The following GPHN variants were observed in gnomAD, a reference collection of about 807,000 sequenced individuals.
The protein encoded by GPHN is gephyrin.
Under a neutral mutation model 95.5 loss-of-function variants are expected in GPHN, and 17 were observed. That is an observed-to-expected ratio of 0.18 (90% CI 0.12 to 0.27). GPHN has a LOEUF of 0.27. GPHN is among the 10% of genes least tolerant of loss of function. The probability of loss-of-function intolerance (pLI) is 1.00; values close to 1 mark genes in which losing one functional copy is unlikely to be tolerated. For synonymous variants in GPHN, 320 were observed against 322.5 expected, an observed-to-expected ratio of 0.99 and a Z score of 0.08; for missense variants, 660 against 978.1, an observed-to-expected ratio of 0.67 and a Z score of 4.34.
At chr14:66,887,497 C>A (rs1230056496) in intron 5 of GPHN, among the ~76,000 whole-genome samples, 2 of 152,106 alleles carry the variant, frequency 1.3e-5, no homozygotes, top group Non-Finnish European at 2.9e-5. Context: ...ATCGCTTGAA[C>A]CTAGGAGGTG....
At chr14:66,628,637 T>A (rs8017245) in intron 1 of GPHN, among the ~76,000 whole-genome samples, 47,709 of 151,998 alleles carry the variant, frequency 0.31, 11,494 homozygotes, top group African/African-American at 0.65. Context: ...ACTACACTAA[T>A]TATATTAAAA....
At chr14:66,681,284 A>C in intron 2 of GPHN, 99 bp downstream of exon 2, 3 of 785,110 alleles carry the variant, frequency 3.8e-6, no homozygotes, top group Non-Finnish European at 6.4e-6. Flanking sequence ...TTAAGGTACA[A>C]CAATTTTTTC....
the GPHN span, among the ~76,000 whole-genome samples, chr14:67,541,408 A>C: frequency 6.6e-6 from 1 of 152,224 alleles, no homozygotes. Flanking sequence ...TTTTCCTAAG[A>C]GTTCCTTGAA....
the GPHN span, among the ~76,000 whole-genome samples, chr14:67,731,207 CTTTTTTTTTT>C: frequency 2.2e-4 from 20 of 90,624 alleles, no homozygotes; most frequent in Admixed American, 1.8e-3. Context: ...TTCTTTCTTT[CTTTTTTTTTT>C]TTTTTTTTTT....
rs146242079 is a variant in GPHN, at chr14:67,035,470, A to G, written c.1006+11795A>G. Among the ~76,000 whole-genome samples, 325 of 152,014 alleles carry G rather than the reference A, an allele frequency of 2.1e-3. 1 individual carries two copies. Among genetic ancestry groups the G allele is most frequent in the African/African-American group, 7.3e-3 (305 of 41,556 alleles). On this transcript the variant is annotated intron_variant, in intron 10 of 22. Transcript: ENST00000478722. The stretch of plus-strand genomic sequence containing the variant: ...AACTAAGAGTAGGATTCTCTAAAAT[A>G]CCAACAAAATTGACAAACTCTTAGC...
At chr14:67,641,146 G>A in the GPHN span, among the ~76,000 whole-genome samples, 1 of 152,090 alleles carries the variant, frequency 6.6e-6, no homozygotes, top group Non-Finnish European at 1.5e-5. Context: ...TTTTCTGATG[G>A]TTTAATGCAC....
chr14:66,553,670 G>A (rs1263186863), intron 1 of GPHN, among the ~76,000 whole-genome samples: 2 of 151,912 alleles, frequency 1.3e-5, no homozygotes, highest in Non-Finnish European at 1.5e-5. Flanking sequence ...TCTGCCTCCC[G>A]GGTTCAAGCA....
the GPHN span, among the ~76,000 whole-genome samples, chr14:67,672,875 C>A: frequency 6.6e-6 from 1 of 152,224 alleles, no homozygotes; most frequent in Non-Finnish European, 1.5e-5. Context: ...CATGATCTGG[C>A]CCTGCTTATC....
At chr14:66,945,106 G>A (rs2067668726) in intron 8 of GPHN, among the ~76,000 whole-genome samples, 1 of 152,116 alleles carries the variant, frequency 6.6e-6, no homozygotes, top group Non-Finnish European at 1.5e-5. Flanking sequence ...AAAAAAACAC[G>A]TTCTTGTTAC....
chr14:67,145,964 G>A (rs2080872874), intron 18 of GPHN, among the ~76,000 whole-genome samples: 1 of 152,178 alleles, frequency 6.6e-6, no homozygotes, highest in Non-Finnish European at 1.5e-5. Flanking sequence ...GGAACCTGAA[G>A]GTACTTAAGC....
chr14:67,583,249 C>A, the GPHN span, among the ~76,000 whole-genome samples: 1 of 152,138 alleles, frequency 6.6e-6, no homozygotes, highest in Non-Finnish European at 1.5e-5. Flanking sequence ...TATGCATCCT[C>A]CATTGTAGTT....
intron 1 of GPHN, among the ~76,000 whole-genome samples, chr14:66,662,760 G>T (rs887544703): frequency 2.0e-5 from 3 of 152,218 alleles, no homozygotes; most frequent in African/African-American, 7.2e-5. Context: ...AGGTAAAATA[G>T]CCAGTATGGA....
At chr14:66,740,531 G>A (rs1224394636) in intron 2 of GPHN, among the ~76,000 whole-genome samples, 4 of 149,510 alleles carry the variant, frequency 2.7e-5, no homozygotes, top group Admixed American at 6.6e-5. Flanking sequence ...GTTTTAAACT[G>A]AACATTTAGT....
chr14:67,013,922 G>A (rs1810109435), intron 9 of GPHN, among the ~76,000 whole-genome samples: 1 of 151,846 alleles, frequency 6.6e-6, no homozygotes, highest in African/African-American at 2.4e-5. Flanking sequence ...GTCACAAAAT[G>A]CATAATAATT....
At chr14:67,588,164 C>T in the GPHN span, 1 of 152,640 alleles carries the variant, frequency 6.6e-6, no homozygotes, top group East Asian at 1.9e-4. Context: ...AAACCCAGTA[C>T]CACGCAATGT....
the GPHN span, among the ~76,000 whole-genome samples, chr14:67,220,464 T>C: frequency 1.3e-5 from 2 of 151,020 alleles, no homozygotes; most frequent in African/African-American, 4.9e-5. Context: ...AAAAGGTAAA[T>C]GATGACCTTG....
chr14:66,517,485 G>A (rs967574804), intron 1 of GPHN, among the ~76,000 whole-genome samples: 1 of 152,080 alleles, frequency 6.6e-6, no homozygotes, highest in Non-Finnish European at 1.5e-5. Flanking sequence ...AATAGCCAAA[G>A]CAATCCTGAA....
At chr14:66,533,846 T>C (rs2059032807) in intron 1 of GPHN, among the ~76,000 whole-genome samples, 1 of 152,246 alleles carries the variant, frequency 6.6e-6, no homozygotes, top group Non-Finnish European at 1.5e-5. Flanking sequence ...AATTTGAGAC[T>C]TCAGTTTTTA....
chr14:66,914,018 A>G (rs915564853), intron 5 of GPHN, among the ~76,000 whole-genome samples: 4 of 152,162 alleles, frequency 2.6e-5, no homozygotes, highest in Non-Finnish European at 5.9e-5. Context: ...GAGAAAGAAT[A>G]CATAAATCTC....
Sources: allele counts gnomAD v4.1 joint callset (sites outside exome capture counted in the v4.1 genomes callset), GRCh38; gene constraint gnomAD v4.1.1; transcripts MANE v1.5; gene names NCBI Gene and HGNC (gene_info 2026-07-23, HGNC 2026-07-21).